TMEFF2: variants seen among roughly 807,000 people sequenced by gnomAD.
TMEFF2 encodes tomoregulin-2.
Under a neutral mutation model 53.8 loss-of-function variants are expected in TMEFF2, and 28 were observed. That is an observed-to-expected ratio of 0.52 (90% CI 0.39 to 0.71). The LOEUF (loss-of-function observed/expected upper bound fraction) is 0.71. TMEFF2 is among the 30% of genes least tolerant of loss of function. The pLI, the probability that TMEFF2 is intolerant of heterozygous loss-of-function variation, is 0.00. For missense variants in TMEFF2, 353 were observed against 455.2 expected (o/e 0.78, Z 2.04); for synonymous variants, 162 against 166.3 (o/e 0.97, Z 0.20).
chr2:192,070,170 A>G (rs2105915135), intron 4 of TMEFF2, among the ~76,000 whole-genome samples: 1 of 151,652 alleles, frequency 6.6e-6, no homozygotes, highest in African/African-American at 2.4e-5. Flanking sequence ...AAGGACACAT[A>G]AGCTAAAATT....
chr2:192,051,154 G>A (rs969017928), intron 5 of TMEFF2, among the ~76,000 whole-genome samples: 2 of 151,280 alleles, frequency 1.3e-5, no homozygotes, highest in Admixed American at 6.6e-5. Flanking sequence ...AAACTAAAAT[G>A]TTTTCTCAAA....
intron 4 of TMEFF2, chr2:192,177,307 A>G (rs936959966): frequency 1.9e-4 from 29 of 151,186 alleles, no homozygotes; most frequent in Non-Finnish European, 3.7e-4. Context: ...TACGATTACA[A>G]CCCAATGGAT....
chr2:192,063,555 T>C lies in TMEFF2; in HGVS notation c.440-5780A>G, dbSNP rs1159041825. Among the ~76,000 whole-genome samples, 3 of 151,896 alleles carry C rather than the reference T, an allele frequency of 2.0e-5. No homozygotes were observed. The East Asian group carries it at 5.8e-4, about 29-fold the overall frequency. ...CTAGTGTGGAATGATTTTCTATTAA[T>C]GTCAATTAGCTTACATTGATGGTTA... On this transcript the variant is annotated intron_variant, in intron 4 of 9. Coordinates refer to ENST00000272771, the MANE Select transcript of TMEFF2 (RefSeq NM_016192.4).
chr2:192,139,203 T>C (rs1690079561), intron 4 of TMEFF2, among the ~76,000 whole-genome samples: 1 of 152,206 alleles, frequency 6.6e-6, no homozygotes, highest in Non-Finnish European at 1.5e-5. Flanking sequence ...TAAGGGACAT[T>C]AAAGAAGTCT....
rs149181800 is a variant in TMEFF2 at position 191,958,058 on chromosome 2, C to T, written c.746-1680G>A. On this transcript the variant is annotated intron_variant, in intron 7 of 9. Transcript: ENST00000272771. ...GGGTAGTGTTGGGTGAAATTTCCCA[C>T]ATGGGAACGTGTGACCAAAATGGAA... is the stretch of plus-strand genomic sequence containing the variant. 2.8e-4 allele frequency among the ~76,000 whole-genome samples: 43 copies of T among 152,290 alleles called. 2 individuals carry two copies. The East Asian group carries it at 8.1e-3, about 29-fold the overall frequency.
intron 7 of TMEFF2, among the ~76,000 whole-genome samples, chr2:191,963,912 CT>C (rs1253409383): frequency 6.6e-6 from 1 of 152,098 alleles, no homozygotes; most frequent in Non-Finnish European, 1.5e-5. Flanking sequence ...TTAGTATAGC[CT>C]TTCAAGGTAG....
intron 5 of TMEFF2, among the ~76,000 whole-genome samples, chr2:192,023,640 T>C (rs1192772157): frequency 1.3e-5 from 2 of 152,120 alleles, no homozygotes; most frequent in African/African-American, 2.4e-5. Context: ...TTTTATTGGC[T>C]TTGCACTTAT....
At chr2:192,132,100 C>G (rs1388010625) in intron 4 of TMEFF2, among the ~76,000 whole-genome samples, 2 of 152,104 alleles carry the variant, frequency 1.3e-5, no homozygotes, top group Non-Finnish European at 2.9e-5. Flanking sequence ...TCTGACCTCT[C>G]CCCTCCTCGC....
At chr2:192,062,979 TTG>T (rs1553518034) in intron 4 of TMEFF2, among the ~76,000 whole-genome samples, 24 of 141,634 alleles carry the variant, frequency 1.7e-4, no homozygotes, top group Non-Finnish European at 2.3e-4. Flanking sequence ...TTTTTTTTTT[TTG>T]TTGTTGTTGT....
At chr2:192,042,176 G>C (rs1687500825) in intron 5 of TMEFF2, among the ~76,000 whole-genome samples, 1 of 151,674 alleles carries the variant, frequency 6.6e-6, no homozygotes, top group Non-Finnish European at 1.5e-5. Flanking sequence ...ACTCCAGCCT[G>C]GGCAGTAGAG....
In TMEFF2 at chr2:192,057,223, T is replaced by C. The variant is rs953371795; in HGVS notation, c.536+456A>G. ...CATACCCAGCTAATTATTATTATTT[T>C]TTTTTATGGAGATGTGGGTCTCACT... On this transcript the variant is annotated intron_variant, in intron 5 of 9. Coordinates refer to ENST00000272771, the MANE Select transcript of TMEFF2 (RefSeq NM_016192.4). Among the ~76,000 whole-genome samples the C allele has an allele frequency of 8.5e-5, 13 of 152,158 alleles. No homozygotes were observed. In the East Asian group the frequency reaches 2.5e-3, roughly 29 times the overall value.
intron 4 of TMEFF2, among the ~76,000 whole-genome samples, chr2:192,085,272 G>A (rs1688645236): frequency 6.6e-6 from 1 of 152,126 alleles, no homozygotes. Context: ...AGCCACTCAT[G>A]TGTGACTTTG....
intron 4 of TMEFF2, among the ~76,000 whole-genome samples, chr2:192,124,411 C>T (rs1166070780): frequency 6.6e-6 from 1 of 152,166 alleles, no homozygotes; most frequent in African/African-American, 2.4e-5. Flanking sequence ...CAAGCTTTTC[C>T]CTACAGAAGA....
chr2:191,963,958 A>G (rs1692341396), intron 7 of TMEFF2, among the ~76,000 whole-genome samples: 1 of 152,208 alleles, frequency 6.6e-6, no homozygotes, highest in Admixed American at 6.5e-5. Context: ...TAGATTAGGA[A>G]AATGAAATTA....
intron 5 of TMEFF2, among the ~76,000 whole-genome samples, chr2:192,052,349 A>G (rs1687792290): frequency 6.6e-6 from 1 of 152,204 alleles, no homozygotes; most frequent in African/African-American, 2.4e-5. Context: ...ATATTAAATC[A>G]AGTATCAACC....
chr2:192,141,004 T>C (rs1559143778), intron 4 of TMEFF2, among the ~76,000 whole-genome samples: 1 of 152,154 alleles, frequency 6.6e-6, no homozygotes, highest in Non-Finnish European at 1.5e-5. Flanking sequence ...GTGAGTGGGA[T>C]GGAGTCTTTA....
At chr2:192,097,765 A>G (rs1329047677) in intron 4 of TMEFF2, among the ~76,000 whole-genome samples, 2 of 152,192 alleles carry the variant, frequency 1.3e-5, no homozygotes, top group African/African-American at 4.8e-5. Flanking sequence ...CTATACAGAT[A>G]TATCACTGAA....
intron 5 of TMEFF2, among the ~76,000 whole-genome samples, chr2:192,012,311 G>T (rs1032995269): frequency 4.6e-5 from 7 of 152,168 alleles, no homozygotes; most frequent in Non-Finnish European, 4.4e-5. Context: ...GCTTATAGTT[G>T]ATTACAATTT....
intron 5 of TMEFF2, among the ~76,000 whole-genome samples, chr2:192,050,208 A>G (rs1380949683): frequency 6.6e-6 from 1 of 152,218 alleles, no homozygotes; most frequent in African/African-American, 2.4e-5. Flanking sequence ...AACACATTGA[A>G]GTTCAGAATT....
Sources: allele counts gnomAD v4.1 joint callset (sites outside exome capture counted in the v4.1 genomes callset), GRCh38; gene constraint gnomAD v4.1.1; transcripts MANE v1.5; gene names NCBI Gene and HGNC (gene_info 2026-07-23, HGNC 2026-07-21).